The following OIP5 variants were observed in gnomAD, a reference collection of about 807,000 sequenced individuals.
OIP5 encodes the protein Opa interacting protein 5.
In OIP5, 24 loss-of-function variants were observed where a neutral mutation model predicts 20.3. That is an observed-to-expected ratio of 1.18 (90% CI 0.86 to 1.66). The LOEUF (loss-of-function observed/expected upper bound fraction) is 1.66, where lower values mean the gene tolerates loss of function less well. Among genes scored for constraint, OIP5 ranks in the 40% most tolerant of loss-of-function variants. The probability of loss-of-function intolerance (pLI) is 0.00; values close to 1 mark genes in which losing one functional copy is unlikely to be tolerated. For synonymous variants in OIP5, 143 were observed against 121.3 expected, an observed-to-expected ratio of 1.18 and a Z score of -1.17; for missense variants, 339 against 289.5, an observed-to-expected ratio of 1.17 and a Z score of -1.24.
At chr15:41,316,815 T>C (rs1267552088) in intron 3 of OIP5, among the ~76,000 whole-genome samples, 1 of 134,610 alleles carries the variant, frequency 7.4e-6, no homozygotes, top group Non-Finnish European at 1.6e-5. Context: ...AAAAAAGACA[T>C]GAGAAAAAGG....
At chr15:41,322,875 C>T (rs2047839045) in intron 2 of OIP5, among the ~76,000 whole-genome samples, 2 of 151,766 alleles carry the variant, frequency 1.3e-5, no homozygotes, top group Non-Finnish European at 2.9e-5. Context: ...GCGGAGGTTG[C>T]AGTGAGCGGA....
rs911333520 is a variant in OIP5, at chr15:41,319,784, G to C, written c.390-4C>G. 6.2e-7 allele frequency: 1 copy of C among 1,601,154 alleles called. No homozygotes were observed. The highest frequency in any genetic ancestry group is 2.2e-5 in the East Asian group (1 of 44,716). On this transcript the variant is annotated splice_region_variant and splice_polypyrimidine_tract_variant and intron_variant, in intron 2 of 4. Transcript: ENST00000220514. ...ACAGAATAAAAGGTTGTAAGTACTAGGGGTGGGGAAAAACACAATATGGGT... is the reference window on the plus strand; with the variant it reads ...ACAGAATAAAAGGTTGTAAGTACTACGGGTGGGGAAAAACACAATATGGGT...
chr15:41,332,571 G>A lies in OIP5; in HGVS notation c.-10C>T, dbSNP rs769865183. The A allele has an allele frequency of 1.9e-6, 3 of 1,591,752 alleles. No individual in the cohort carries two copies. The highest frequency in any genetic ancestry group is 2.6e-6 in the Non-Finnish European group (3 of 1,169,452). On this transcript the variant is annotated 5_prime_UTR_variant, in exon 1 of 5. Transcript: ENST00000220514. ...GCGGCTGAGCCGCCATCTTCCCGCA[G>A]CCGGCGCCTTCCTTTCGAATACACG...
chr15:41,312,681 A>T (rs1473588125), intron 4 of OIP5, among the ~76,000 whole-genome samples: 2 of 145,604 alleles, frequency 1.4e-5, no homozygotes, highest in Non-Finnish European at 3.0e-5. Flanking sequence ...CCAGGCTGGA[A>T]TGCAGTGGCG....
chr15:41,322,615 T>C (rs1231096481), intron 2 of OIP5, among the ~76,000 whole-genome samples: 1 of 152,034 alleles, frequency 6.6e-6, no homozygotes, highest in African/African-American at 2.4e-5. Context: ...GCTAGGAGAA[T>C]TCTATTAACA....
chr15:41,309,881 TC>T (rs765472877), intron 4 of OIP5, 32 bp from the exon 5 acceptor site: 77 of 1,471,544 alleles, frequency 5.2e-5, no homozygotes, highest in Non-Finnish European at 7.3e-5. Flanking sequence ...TATCAGGGCA[TC>T]TTTTTTTATT....
chr15:41,331,489 T>C (rs1396879236), intron 2 of OIP5, among the ~76,000 whole-genome samples: 2 of 151,980 alleles, frequency 1.3e-5, no homozygotes, highest in African/African-American at 2.4e-5. Context: ...GAGGGTGAGG[T>C]TGGGAGGATA....
chr15:41,320,830 G>T (rs896622809), intron 2 of OIP5, among the ~76,000 whole-genome samples: 1 of 151,486 alleles, frequency 6.6e-6, no homozygotes, highest in Non-Finnish European at 1.5e-5. Context: ...TCCCATCTAG[G>T]AAGTGAGGAG....
intron 4 of OIP5, among the ~76,000 whole-genome samples, chr15:41,312,015 C>T (rs1215543094): frequency 2.1e-5 from 3 of 142,748 alleles, no homozygotes; most frequent in South Asian, 2.2e-4. Flanking sequence ...CCAACACGCC[C>T]GGCTAATTTT....
intron 4 of OIP5, among the ~76,000 whole-genome samples, chr15:41,312,477 T>C (rs77195486): frequency 6.6e-6 from 1 of 152,058 alleles, no homozygotes; most frequent in Admixed American, 6.6e-5. Flanking sequence ...TATTTTTTTT[T>C]GAGACGCAGT....
chr15:41,315,099 CAAAAAA>C (rs761038863), intron 3 of OIP5, among the ~76,000 whole-genome samples: 2 of 57,694 alleles, frequency 3.5e-5, no homozygotes, highest in East Asian at 4.7e-4. Context: ...GACCCTGTCT[CAAAAAA>C]AAAAAAAAAA....
chr15:41,330,784 T>G (rs1196670793), intron 2 of OIP5, among the ~76,000 whole-genome samples: 1 of 152,216 alleles, frequency 6.6e-6, no homozygotes, highest in Non-Finnish European at 1.5e-5. Flanking sequence ...ACAGCATATC[T>G]CAATGCAGAT....
chr15:41,329,313 G>GT (rs760717935), intron 2 of OIP5, among the ~76,000 whole-genome samples: 2,371 of 121,212 alleles, frequency 0.02, 41 homozygotes, highest in African/African-American at 0.037. Context: ...TTTCCCTCTA[G>GT]TTTTTTTTTT....
At chr15:41,315,428 C>CAA (rs750519027) in intron 3 of OIP5, among the ~76,000 whole-genome samples, 1 of 87,368 alleles carries the variant, frequency 1.1e-5, no homozygotes, top group South Asian at 3.4e-4. Flanking sequence ...GACTCTGTCT[C>CAA]AAAAAAAAAA....
intron 2 of OIP5, among the ~76,000 whole-genome samples, chr15:41,321,288 C>T (rs918039975): frequency 6.7e-6 from 1 of 148,228 alleles, no homozygotes; most frequent in Non-Finnish European, 1.5e-5. Context: ...CCGTCCCGTC[C>T]TGGAGGGAGG....
At chr15:41,318,088 C>T (rs753991265) in intron 3 of OIP5, among the ~76,000 whole-genome samples, 1 of 152,174 alleles carries the variant, frequency 6.6e-6, no homozygotes, top group Non-Finnish European at 1.5e-5. Flanking sequence ...AGAGGCTGGG[C>T]ACAAACCCAA....
At chr15:41,328,086 A>G (rs1231935686) in intron 2 of OIP5, among the ~76,000 whole-genome samples, 1 of 152,236 alleles carries the variant, frequency 6.6e-6, no homozygotes, top group East Asian at 1.9e-4. Flanking sequence ...CAAAAAATAA[A>G]TAAATAGAAA....
At chr15:41,327,153 G>A (rs1327108849) in intron 2 of OIP5, among the ~76,000 whole-genome samples, 8 of 151,274 alleles carry the variant, frequency 5.3e-5, no homozygotes, top group Non-Finnish European at 8.8e-5. Flanking sequence ...TGGGTACCTG[G>A]GGCTTATTAT....
At chr15:41,320,590 T>C (rs533383532) in intron 2 of OIP5, among the ~76,000 whole-genome samples, 156 of 152,298 alleles carry the variant, frequency 1.0e-3, no homozygotes, top group Non-Finnish European at 1.7e-3. Flanking sequence ...CAGTGCTCAA[T>C]GGTGCCCAGG....
Sources: gnomAD v4.1 joint callset for allele counts (sites outside exome capture counted in the v4.1 genomes callset) on GRCh38, gnomAD v4.1.1 for gene constraint, MANE v1.5 for transcripts, NCBI Gene and HGNC (gene_info 2026-07-23, HGNC 2026-07-21) for gene names.